The following SSR1 variants were observed in gnomAD, a reference collection of about 807,000 sequenced individuals.
SSR1 encodes translocon-associated protein subunit alpha.
In SSR1, 13 loss-of-function variants were observed where a neutral mutation model predicts 36.1. The ratio of observed to expected loss-of-function variants is 0.36; its 90% confidence interval spans 0.23 to 0.57. SSR1 has a LOEUF of 0.57. Ranked by LOEUF, SSR1 falls within the 20% of genes least tolerant of loss-of-function variation. SSR1 has a pLI of 0.81. For missense variants in SSR1, 291 were observed against 338.5 expected, an observed-to-expected ratio of 0.86 and a Z score of 1.10; for synonymous variants, 113 against 118.9, an observed-to-expected ratio of 0.95 and a Z score of 0.32.
At position 7,289,730 on chromosome 6, in the gene SSR1, ACT is replaced by A. The variant is rs1255839400; in HGVS notation, c.*132_*133del. 3 of 738,308 alleles carry A rather than the reference ACT, an allele frequency of 4.1e-6. No individual in the cohort carries two copies. Among genetic ancestry groups the A allele is most frequent in the Non-Finnish European group, 6.5e-6 (3 of 459,960 alleles). The allele number at this position is 738,308 out of a possible 1,614,324, so 45.7% of individuals were successfully genotyped here. On this transcript the variant is annotated 3_prime_UTR_variant, in exon 8 of 8. Transcript: ENST00000244763. ...ATTTTCAGCAATATTATCGCCACAGACTCTGATTGCTCAGTCCACACACAAGT... is the reference window on the plus strand; with the variant it reads ...ATTTTCAGCAATATTATCGCCACAGACTGATTGCTCAGTCCACACACAAGT...
chr6:7,310,094 A>G (rs1167639592), intron 1 of SSR1, 65 bp from the exon 2 acceptor site: 2 of 1,402,846 alleles, frequency 1.4e-6, no homozygotes, highest in East Asian at 2.3e-5. Context: ...TTTTTTTAAC[A>G]TCAGGTATAG....
intron 3 of SSR1, among the ~76,000 whole-genome samples, chr6:7,302,587 C>T (rs1757960346): frequency 6.6e-6 from 1 of 152,002 alleles, no homozygotes; most frequent in Non-Finnish European, 1.5e-5. Context: ...CATGGTGAAA[C>T]CCCATCCCTA....
intron 7 of SSR1, among the ~76,000 whole-genome samples, chr6:7,290,676 TG>T (rs550555521): frequency 1.7e-3 from 263 of 152,254 alleles, no homozygotes; most frequent in African/African-American, 4.9e-3. Flanking sequence ...GATTTCGTAT[TG>T]TTTTTTTTTG....
In SSR1 at chr6:7,313,021, C is replaced by G. The variant is rs1179244038; in HGVS notation, c.79+21G>C. On this transcript the variant is annotated intron_variant, in intron 1 of 7. Transcript: ENST00000244763. ...GCATCTCCTTCCTGGCCATCCCCTC[C>G]GCACACTCCCCCAGCCTCACCTCTG... The G allele has an allele frequency of 2.5e-6, 4 of 1,585,128 alleles. No individual in the cohort carries two copies. In the East Asian group the frequency reaches 9.3e-5, roughly 37 times the overall value.
At chr6:7,305,151 T>G (rs1197034543) in intron 2 of SSR1, among the ~76,000 whole-genome samples, 1 of 152,158 alleles carries the variant, frequency 6.6e-6, no homozygotes, top group African/African-American at 2.4e-5. Context: ...GATATCTGAT[T>G]AATGGGTTTT....
chr6:7,282,260 G>A lies in SSR1; in HGVS notation c.*7604C>T, dbSNP rs1436999468. On this transcript the variant is annotated 3_prime_UTR_variant, in exon 8 of 8. Transcript: ENST00000244763. The stretch of plus-strand genomic sequence containing the variant: ...ACATAGGAGATATTTTGACAAAACG[G>A]AAAAACAACAGAACAGGAAGTGAGG... The A allele has an allele frequency of 1.3e-5, 2 of 152,236 alleles. No homozygotes were observed. The highest frequency in any genetic ancestry group is 4.8e-5 in the African/African-American group (2 of 41,442). The allele number at this position is 152,236 out of a possible 1,614,324, so 9.4% of individuals were successfully genotyped here.
Position 7,301,331 on chromosome 6 carries a change from A to T in SSR1, c.522T>A (p.Asn174Lys). ...MGGRPFGLVI[N>K]LNYKDLNGNV... Reference sequence around the variant, plus strand: ...TTACGTTCAAATCTTTGTAGTTCAGATTGATGACCAAACCAAATGGTCGTC... The same window carrying T: ...TTACGTTCAAATCTTTGTAGTTCAGTTTGATGACCAAACCAAATGGTCGTC... The change falls in exon 4 of 8, where the codon AAT (asparagine) becomes AAA (lysine). Residue 174 changes from asparagine to lysine, a missense_variant. By Grantham distance (94) the Asn-to-Lys change is moderately conservative. Coordinates refer to ENST00000244763, the MANE Select transcript of SSR1 (RefSeq NM_003144.5). The T allele has an allele frequency of 6.2e-7, 1 of 1,614,132 alleles. No individual in the cohort carries two copies.
intron 2 of SSR1, among the ~76,000 whole-genome samples, chr6:7,305,453 G>T (rs1053495670): frequency 1.3e-5 from 2 of 152,208 alleles, no homozygotes; most frequent in Non-Finnish European, 2.9e-5. Context: ...AATGTGAAGT[G>T]AGCAGAAGAG....
chr6:7,313,114 G>A lies in SSR1; in HGVS notation c.7C>T (p.Leu3Phe). MR[L>F]LPRLLLLLLL... is the part of the protein sequence containing the mutation. ...AGAAGCAGCAGCAAGCGGGGGAGGAGTCTCATGGCGCTGCCGGTCCAGTGT... is the reference window on the plus strand; with the variant it reads ...AGAAGCAGCAGCAAGCGGGGGAGGAATCTCATGGCGCTGCCGGTCCAGTGT... The change falls in exon 1 of 8, where the codon CTC (leucine) becomes TTC (phenylalanine). Residue 3 changes from leucine to phenylalanine, a missense_variant. By Grantham distance (22) the Leu-to-Phe change is conservative (BLOSUM62 0). Coordinates refer to ENST00000244763, the MANE Select transcript of SSR1 (RefSeq NM_003144.5). 1 of 1,605,682 alleles carries A rather than the reference G, an allele frequency of 6.2e-7. No individual in the cohort carries two copies. Among genetic ancestry groups the A allele is most frequent in the South Asian group, 1.1e-5 (1 of 90,188 alleles).
intron 5 of SSR1, chr6:7,298,538 G>C: frequency 1.9e-6 from 1 of 513,772 alleles, no homozygotes; most frequent in Non-Finnish European, 3.4e-6. Flanking sequence ...CTTTTAAAGA[G>C]ATTCTTCCAT....
intron 6 of SSR1, 56 bp downstream of exon 6, chr6:7,297,867 C>T (rs1318605046): frequency 5.0e-6 from 7 of 1,395,926 alleles, no homozygotes; most frequent in Non-Finnish European, 7.1e-6. Context: ...GACTGCTTAA[C>T]TTAGTACTTA....
rs904745224 is a variant in SSR1 at position 7,295,568 on chromosome 6, C to T, written c.700-83G>A. On this transcript the variant is annotated intron_variant, in intron 6 of 7. Transcript: ENST00000244763. ...TTTTTAAAAAAGAGTTGAGGTCTTG[C>T]TATGTTGCCCAGGCTGCCTGGAACT... 3.9e-6 allele frequency: 4 copies of T among 1,034,166 alleles called. No homozygotes were observed. In the Admixed American group the frequency reaches 1.2e-4, roughly 32 times the overall value. 64.1% of individuals were successfully genotyped at this position (1,034,166 alleles called of 1,614,324 possible).
intron 2 of SSR1, among the ~76,000 whole-genome samples, chr6:7,306,921 G>GT (rs1223513558): frequency 4.3e-5 from 5 of 117,548 alleles, no homozygotes; most frequent in African/African-American, 2.2e-4. Flanking sequence ...TGTCTGGGTG[G>GT]TGGGGGGGTG....
At chr6:7,308,983 T>G (rs1758128161) in intron 2 of SSR1, among the ~76,000 whole-genome samples, 1 of 152,224 alleles carries the variant, frequency 6.6e-6, no homozygotes, top group Admixed American at 6.5e-5. Context: ...ACTATGTTGT[T>G]ACCCTTCTAG....
chr6:7,285,503 C>T lies in SSR1; in HGVS notation c.*4361G>A, dbSNP rs557470279. On this transcript the variant is annotated 3_prime_UTR_variant, in exon 8 of 8. Transcript: ENST00000244763. This position sits in a 1 kb window ranked among gnomAD's most constrained non-coding sequence, Gnocchi z 4.1. ...CCAGCCTGGCAACATGGTGAAACCC[C>T]GTCTCTACCAAAAACAAAACAAAAA... is the stretch of plus-strand genomic sequence containing the variant. 1.5e-4 allele frequency: 23 copies of T among 152,184 alleles called. No individual in the cohort carries two copies. The highest frequency in any genetic ancestry group is 5.3e-4 in the African/African-American group (22 of 41,498). The allele number at this position is 152,184 out of a possible 1,614,324, so 9.4% of individuals were successfully genotyped here.
At chr6:7,301,969 G>T (rs1757945843) in intron 3 of SSR1, among the ~76,000 whole-genome samples, 1 of 152,114 alleles carries the variant, frequency 6.6e-6, no homozygotes, top group Admixed American at 6.6e-5. Flanking sequence ...AAAAGATAAA[G>T]TCCAAGAGTT....
rs1428159102 is a variant in SSR1 at position 7,309,986 on chromosome 6, T to C, written c.123A>G (p.Thr41=). 20 of 1,613,906 alleles carry C rather than the reference T, an allele frequency of 1.2e-5. No homozygotes were observed. Among genetic ancestry groups the C allele is most frequent in the Non-Finnish European group, 1.7e-5 (20 of 1,179,984 alleles). ...VAQDLTEDEE[T]VEDSIIEDED... ...CATCCTCAATTATGGAATCTTCTAC[T>C]GTTTCTTCATCCTCTGTAAGATCTT... The change falls in exon 2 of 8, where the codon ACA becomes ACG. Residue 41 remains threonine, a synonymous_variant. Transcript: ENST00000244763.
chr6:7,295,523 T>C, intron 6 of SSR1, 38 bp from the exon 7 acceptor site: 2 of 1,343,022 alleles, frequency 1.5e-6, no homozygotes, highest in Non-Finnish European at 2.1e-6. Context: ...AGGAGTTCCG[T>C]TACACCATTT....
intron 6 of SSR1, 130 bp from the exon 7 acceptor site, chr6:7,295,615 T>C (rs1757778435): frequency 1.7e-6 from 1 of 588,056 alleles, no homozygotes; most frequent in South Asian, 2.5e-5. Flanking sequence ...GCAATCCTCC[T>C]GCCTGAGCCT....
Sources: gnomAD v4.1 joint callset for allele counts (sites outside exome capture counted in the v4.1 genomes callset) on GRCh38, gnomAD v4.1.1 for gene constraint, Gnocchi (gnomAD v3.1) non-coding constraint, MANE v1.5 for transcripts, NCBI Gene and HGNC (gene_info 2026-07-23, HGNC 2026-07-21) for gene names.